ADGRL2: variants seen among roughly 807,000 people sequenced by gnomAD.
ADGRL2 encodes adhesion G protein-coupled receptor L2.
A neutral mutation model predicts 157.4 loss-of-function variants in ADGRL2; 44 were observed. That is an observed-to-expected ratio of 0.28 (90% confidence interval 0.22 to 0.36). The LOEUF (loss-of-function observed/expected upper bound fraction) is 0.36, where lower values mean the gene tolerates loss of function less well. ADGRL2 is among the 10% of genes least tolerant of loss of function. The pLI, the probability that ADGRL2 is intolerant of heterozygous loss-of-function variation, is 1.00. For missense variants in ADGRL2, 1,510 were observed against 1,768.9 expected, an observed-to-expected ratio of 0.85 and a Z score of 2.63; for synonymous variants, 585 against 624.7, an observed-to-expected ratio of 0.94 and a Z score of 0.95.
intron 2 of ADGRL2, among the ~76,000 whole-genome samples, chr1:81,868,209 A>C (rs1027991957): frequency 1.3e-5 from 2 of 152,082 alleles, no homozygotes; most frequent in Non-Finnish European, 2.9e-5. Context: ...AAAACTACTC[A>C]AAGTTCTTGC....
At chr1:81,591,142 C>T (rs1440836656) in intron 3 of ADGRL2, among the ~76,000 whole-genome samples, 1 of 152,176 alleles carries the variant, frequency 6.6e-6, no homozygotes, top group Non-Finnish European at 1.5e-5. Context: ...TATAAGGCAT[C>T]TGCCTCATTT....
intron 2 of ADGRL2, among the ~76,000 whole-genome samples, chr1:81,545,792 G>T (rs893672097): frequency 6.6e-6 from 1 of 152,096 alleles, no homozygotes; most frequent in Non-Finnish European, 1.5e-5. Context: ...ATCTAACTGG[G>T]GTGAGAGGTC....
At chr1:81,556,506 GAA>G in intron 2 of ADGRL2, among the ~76,000 whole-genome samples, 1 of 148,894 alleles carries the variant, frequency 6.7e-6, no homozygotes, top group Admixed American at 6.7e-5. Context: ...TCAAACAATG[GAA>G]AACACACATA....
At chr1:81,454,798 C>G (rs1339807649) in intron 2 of ADGRL2, among the ~76,000 whole-genome samples, 9 of 152,204 alleles carry the variant, frequency 5.9e-5, no homozygotes, top group Admixed American at 4.6e-4. Flanking sequence ...TGGCCTCTGG[C>G]TCCACCAAGC....
At chr1:81,475,170 TG>T (rs1242169237) in intron 2 of ADGRL2, among the ~76,000 whole-genome samples, 3 of 151,958 alleles carry the variant, frequency 2.0e-5, no homozygotes, top group African/African-American at 7.2e-5. Flanking sequence ...CATCTAGTTT[TG>T]TTTTTTTAAA....
At chr1:81,828,898 TCTC>T (rs2091718748) in intron 1 of ADGRL2, among the ~76,000 whole-genome samples, 1 of 151,346 alleles carries the variant, frequency 6.6e-6, no homozygotes, top group Admixed American at 6.6e-5. Context: ...CTCATCTAAA[TCTC>T]CTCATATTTT....
intron 3 of ADGRL2, among the ~76,000 whole-genome samples, chr1:81,925,129 AAT>A (rs1412352491): frequency 6.6e-6 from 1 of 152,088 alleles, no homozygotes; most frequent in Admixed American, 6.6e-5. Flanking sequence ...TCAAATTTGA[AAT>A]TCAATAGTTA....
chr1:81,767,099 A>T (rs1037951125), intron 2 of ADGRL2, among the ~76,000 whole-genome samples: 8 of 152,154 alleles, frequency 5.3e-5, no homozygotes, highest in Non-Finnish European at 7.3e-5. Context: ...ATATGTAAAT[A>T]GAAAGTTGTA....
chr1:81,329,252 T>C (rs1163363368), intron 1 of ADGRL2, among the ~76,000 whole-genome samples: 1 of 151,882 alleles, frequency 6.6e-6, no homozygotes, highest in Non-Finnish European at 1.5e-5. Context: ...GCCTGTGGAG[T>C]CATCATACTG....
chr1:81,459,703 T>TAC (rs571747583), intron 2 of ADGRL2, among the ~76,000 whole-genome samples: 8 of 151,326 alleles, frequency 5.3e-5, no homozygotes, highest in South Asian at 2.1e-4. Flanking sequence ...TATATATATA[T>TAC]ACACACACAC....
At chr1:81,876,558 T>C (rs1183584745) in intron 2 of ADGRL2, among the ~76,000 whole-genome samples, 1 of 150,680 alleles carries the variant, frequency 6.6e-6, no homozygotes, top group Admixed American at 6.6e-5. Context: ...GGTTTTCATG[T>C]ATTAACAAGT....
chr1:81,757,164 G>T (rs9324186), intron 1 of ADGRL2, among the ~76,000 whole-genome samples: 23,651 of 152,064 alleles, frequency 0.16, 1,915 homozygotes, highest in East Asian at 0.23. Context: ...ATGACCATTT[G>T]CTAGCAAAAC....
intron 2 of ADGRL2, chr1:81,502,632 T>C: frequency 1.2e-6 from 2 of 1,613,902 alleles, no homozygotes; most frequent in Non-Finnish European, 1.7e-6. Flanking sequence ...CCCACATCCA[T>C]CACCAGCGCT....
chr1:81,534,721 T>C (rs1288493670), intron 2 of ADGRL2, among the ~76,000 whole-genome samples: 1 of 152,172 alleles, frequency 6.6e-6, no homozygotes, highest in African/African-American at 2.4e-5. Flanking sequence ...TCTGACTACC[T>C]CCCGCTGGTC....
Position 81,776,755 on chromosome 1 carries a change from A to T in ADGRL2, c.-101+14903A>T, listed in dbSNP as rs75487593. Among the ~76,000 whole-genome samples the T allele has an allele frequency of 7.5e-3, 1,139 of 152,320 alleles. 92 individuals carry two copies. The East Asian group carries it at 0.18, about 24-fold the overall frequency. ...TGGGAGAAATCTTCTATAGAGGATA[A>T]GTTAACAGGAACTGGAGAAAGATTG... On this transcript the variant is annotated intron_variant, in intron 2 of 20. Transcript: ENST00000359929.
At chr1:81,836,456 C>T (rs1286744151) in intron 1 of ADGRL2, among the ~76,000 whole-genome samples, 1 of 152,030 alleles carries the variant, frequency 6.6e-6, no homozygotes, top group East Asian at 1.9e-4. Flanking sequence ...GGACAGAACC[C>T]AGCAAATGAC....
At chr1:81,448,945 C>T (rs1352101080) in intron 2 of ADGRL2, among the ~76,000 whole-genome samples, 1 of 152,118 alleles carries the variant, frequency 6.6e-6, no homozygotes, top group African/African-American at 2.4e-5. Flanking sequence ...CTATACTTTA[C>T]AGTTTATTTA....
At chr1:81,421,625 T>C (rs922060671) in intron 1 of ADGRL2, among the ~76,000 whole-genome samples, 3 of 152,190 alleles carry the variant, frequency 2.0e-5, no homozygotes, top group African/African-American at 4.8e-5. Flanking sequence ...TGAGCTATCA[T>C]GACAGTGTCA....
chr1:81,902,495 G>C (rs115128635), intron 2 of ADGRL2, among the ~76,000 whole-genome samples: 8 of 152,082 alleles, frequency 5.3e-5, no homozygotes, highest in Non-Finnish European at 1.2e-4. Flanking sequence ...CTACTGGGGA[G>C]GCTGAAGTGG....
Sources: allele counts gnomAD v4.1 joint callset (sites outside exome capture counted in the v4.1 genomes callset), GRCh38; gene constraint gnomAD v4.1.1; transcripts MANE v1.5; gene names NCBI Gene and HGNC (gene_info 2026-07-23, HGNC 2026-07-21).